Variants in ZFPM2 observed in about 807,000 individuals in gnomAD.
ZFPM2 encodes zinc finger protein, FOG family member 2, also known as zinc finger protein ZFPM2.
ZFPM2 carries 20 observed loss-of-function variants against 98.6 expected under a neutral mutation model. The observed-to-expected ratio is 0.20, with a 90% CI of 0.14 to 0.29. The LOEUF is 0.29. ZFPM2 is among the 10% of genes least tolerant of loss of function. ZFPM2 has a pLI of 1.00. For missense variants in ZFPM2, 1,310 were observed against 1,388.6 expected (o/e 0.94, Z 0.90); for synonymous variants, 518 against 502.7 (o/e 1.03, Z -0.41).
intron 5 of ZFPM2, among the ~76,000 whole-genome samples, chr8:105,739,376 A>C (rs1318768642): frequency 6.6e-6 from 1 of 152,070 alleles, no homozygotes; most frequent in Non-Finnish European, 1.5e-5. Flanking sequence ...TGTTGGATGC[A>C]AACTGTACAC....
At chr8:105,756,224 A>G (rs945297457) in intron 5 of ZFPM2, among the ~76,000 whole-genome samples, 3 of 152,214 alleles carry the variant, frequency 2.0e-5, no homozygotes, top group African/African-American at 7.2e-5. Flanking sequence ...AGAGCCACAC[A>G]GGTAAAAACC....
At chr8:105,721,044 G>A (rs1298858663) in intron 5 of ZFPM2, among the ~76,000 whole-genome samples, 3 of 151,876 alleles carry the variant, frequency 2.0e-5, no homozygotes, top group Non-Finnish European at 4.4e-5. Context: ...AGCGACCCAT[G>A]CAGGCAAAAC....
intron 3 of ZFPM2, among the ~76,000 whole-genome samples, chr8:105,537,326 A>G (rs2130613366): frequency 6.6e-6 from 1 of 152,278 alleles, no homozygotes; most frequent in African/African-American, 2.4e-5. Context: ...CAAATGAGGA[A>G]TGGATTATTG....
At chr8:105,449,735 TG>T (rs1812448417) in intron 3 of ZFPM2, among the ~76,000 whole-genome samples, 1 of 152,056 alleles carries the variant, frequency 6.6e-6, no homozygotes, top group South Asian at 2.1e-4. Context: ...TCAGTTTCCT[TG>T]TTTGTAAAAT....
chr8:105,615,059 G>A (rs1037305), intron 4 of ZFPM2, among the ~76,000 whole-genome samples: 20,089 of 151,902 alleles, frequency 0.13, 1,357 homozygotes, highest in South Asian at 0.21. Context: ...TGTTCCATGT[G>A]TCTTGTATGG....
chr8:105,730,326 A>G (rs1173227020), intron 5 of ZFPM2, among the ~76,000 whole-genome samples: 1 of 151,790 alleles, frequency 6.6e-6, no homozygotes, highest in Non-Finnish European at 1.5e-5. Flanking sequence ...AACTCATAAC[A>G]TGTAGACTTC....
intron 3 of ZFPM2, among the ~76,000 whole-genome samples, chr8:105,510,414 TTTG>T: frequency 9.3e-5 from 3 of 32,156 alleles, no homozygotes; most frequent in South Asian, 1.7e-3. Context: ...TTTTTTTTTG[TTTG>T]TTTGTTTGTT....
chr8:105,712,054 T>C (rs1025265522), intron 5 of ZFPM2, among the ~76,000 whole-genome samples: 1 of 152,072 alleles, frequency 6.6e-6, no homozygotes, highest in African/African-American at 2.4e-5. Context: ...CTTTTTCTGG[T>C]AACTGGGTTA....
chr8:105,675,847 C>CTT (rs1397893126), intron 5 of ZFPM2: 1 of 152,120 alleles, frequency 6.6e-6, no homozygotes, highest in Admixed American at 6.6e-5. Flanking sequence ...TATAATCTTT[C>CTT]TTTTTATTCA....
chr8:105,471,506 T>G (rs1328937542), intron 3 of ZFPM2, among the ~76,000 whole-genome samples: 1 of 152,202 alleles, frequency 6.6e-6, no homozygotes, highest in African/African-American at 2.4e-5. Context: ...GAGGATGGGA[T>G]AGCTTACTCA....
intron 5 of ZFPM2, among the ~76,000 whole-genome samples, chr8:105,752,652 C>A (rs1209409068): frequency 6.6e-6 from 1 of 152,016 alleles, no homozygotes; most frequent in African/African-American, 2.4e-5. Context: ...TAAAATTAAC[C>A]ACCTTATTTG....
At chr8:105,599,225 G>C (rs746469844) in intron 4 of ZFPM2, among the ~76,000 whole-genome samples, 1 of 151,900 alleles carries the variant, frequency 6.6e-6, no homozygotes, top group Non-Finnish European at 1.5e-5. Flanking sequence ...GTCCTTTTGT[G>C]ATTCATCATC....
intron 5 of ZFPM2, among the ~76,000 whole-genome samples, chr8:105,750,045 G>A (rs1812440259): frequency 6.6e-6 from 1 of 151,878 alleles, no homozygotes; most frequent in East Asian, 1.9e-4. Flanking sequence ...CTTGGTCAAG[G>A]GCAAAACCGA....
intron 5 of ZFPM2, among the ~76,000 whole-genome samples, chr8:105,709,574 T>C (rs1811333609): frequency 1.3e-5 from 2 of 152,054 alleles, no homozygotes; most frequent in Admixed American, 6.6e-5. Flanking sequence ...TACTTAAAAG[T>C]TTGGGGCAAA....
intron 2 of ZFPM2, among the ~76,000 whole-genome samples, chr8:105,428,073 G>T (rs1435097141): frequency 6.6e-6 from 1 of 152,162 alleles, no homozygotes; most frequent in African/African-American, 2.4e-5. Context: ...AACTTGCATT[G>T]TTGGTGCTTA....
chr8:105,570,320 ATT>A (rs35050504), intron 4 of ZFPM2, among the ~76,000 whole-genome samples: 6 of 148,724 alleles, frequency 4.0e-5, no homozygotes, highest in Non-Finnish European at 9.0e-5. Flanking sequence ...ATTTTTATTT[ATT>A]TTTTTTTTGA....
intron 7 of ZFPM2, among the ~76,000 whole-genome samples, 186 bp downstream of exon 7, chr8:105,799,134 T>G (rs1813924542): frequency 6.6e-6 from 1 of 152,230 alleles, no homozygotes; most frequent in Non-Finnish European, 1.5e-5. Flanking sequence ...CTCAAAGGAC[T>G]TGGGTCTGAA....
intron 5 of ZFPM2, 66 bp downstream of exon 5, chr8:105,634,423 C>T (rs1220815790): frequency 7.2e-6 from 9 of 1,251,374 alleles, no homozygotes; most frequent in Non-Finnish European, 9.2e-6. Context: ...AAAACAGCAC[C>T]AGAAGAGCTG....
chr8:105,659,997 G>A (rs1417782368), intron 5 of ZFPM2, among the ~76,000 whole-genome samples: 5 of 152,110 alleles, frequency 3.3e-5, no homozygotes, highest in Non-Finnish European at 5.9e-5. Flanking sequence ...GTTTTATCCT[G>A]ATACTAACAA....
Sources: gnomAD v4.1 joint callset for allele counts (sites outside exome capture counted in the v4.1 genomes callset) on GRCh38, gnomAD v4.1.1 for gene constraint, MANE v1.5 for transcripts, NCBI Gene and HGNC (gene_info 2026-07-23, HGNC 2026-07-21) for gene names.